Variants in KCNH8 observed in about 807,000 individuals in gnomAD.
KCNH8 encodes potassium voltage-gated channel subfamily H member 8.
In KCNH8, 70 loss-of-function variants were observed where a neutral mutation model predicts 103.6. The observed-to-expected ratio is 0.68, with a 90% confidence interval of 0.56 to 0.82. The LOEUF is 0.82. Among genes scored for constraint, KCNH8 ranks in the 40% least tolerant of loss-of-function variants. The pLI is 0.00. For synonymous variants in KCNH8, 498 were observed against 489.4 expected (o/e 1.02, Z -0.23); for missense variants, 1,217 against 1,329.9 (o/e 0.92, Z 1.32).
chr3:19,166,384 G>C (rs1306865308), intron 1 of KCNH8, among the ~76,000 whole-genome samples: 1 of 152,094 alleles, frequency 6.6e-6, no homozygotes, highest in Admixed American at 6.6e-5. Flanking sequence ...ATTAAAAACT[G>C]CACATGCAAA....
At chr3:19,482,503 T>C (rs2068108634) in intron 11 of KCNH8, among the ~76,000 whole-genome samples, 1 of 152,192 alleles carries the variant, frequency 6.6e-6, no homozygotes, top group Non-Finnish European at 1.5e-5. Flanking sequence ...TGCCAAAGCA[T>C]TTTTGTGAAC....
At chr3:19,515,151 C>T (rs1050541041) in intron 13 of KCNH8, among the ~76,000 whole-genome samples, 171 bp from the exon 14 acceptor site, 1 of 151,386 alleles carries the variant, frequency 6.6e-6, no homozygotes, top group Non-Finnish European at 1.5e-5. Flanking sequence ...TTGCACAAAC[C>T]ACATTTCAAG....
chr3:19,428,874 C>T (rs973859074), intron 7 of KCNH8, among the ~76,000 whole-genome samples: 52 of 152,138 alleles, frequency 3.4e-4, no homozygotes, highest in African/African-American at 1.3e-3. Flanking sequence ...TCTCTCTACT[C>T]ATGTTTCTCT....
intron 5 of KCNH8, among the ~76,000 whole-genome samples, chr3:19,383,902 G>T (rs2066321259): frequency 1.3e-5 from 2 of 151,762 alleles, no homozygotes. Context: ...ATTAAATAAG[G>T]TTTTTTCAGT....
rs118174255 is a variant in KCNH8 at position 19,161,903 on chromosome 3, G to A, written c.76+13108G>A. Among the ~76,000 whole-genome samples, 72 of 152,150 alleles carry A rather than the reference G, an allele frequency of 4.7e-4. 1 individual carries two copies. The highest frequency in any genetic ancestry group is 3.9e-3 in the Admixed American group (59 of 15,278). On this transcript the variant is annotated intron_variant, in intron 1 of 15. Transcript: ENST00000328405. Reference sequence around the variant, plus strand: ...GAATTAGGTACAGTAATTACACTAAGTGATTAGATACATTAAATACAGAAA... The same window carrying A: ...GAATTAGGTACAGTAATTACACTAAATGATTAGATACATTAAATACAGAAA...
intron 1 of KCNH8, among the ~76,000 whole-genome samples, chr3:19,175,749 A>G (rs185122999): frequency 2.0e-5 from 3 of 152,356 alleles, no homozygotes; most frequent in East Asian, 1.9e-4. Context: ...CTAAAATGAA[A>G]ATTGATTTGT....
chr3:19,196,479 G>A (rs1170253827), intron 1 of KCNH8, among the ~76,000 whole-genome samples: 1 of 151,858 alleles, frequency 6.6e-6, no homozygotes, highest in South Asian at 2.1e-4. Flanking sequence ...AAAGATCTTG[G>A]CTTCATTGGA....
chr3:19,417,989 A>T (rs1434250184), intron 7 of KCNH8, among the ~76,000 whole-genome samples: 2 of 152,230 alleles, frequency 1.3e-5, no homozygotes, highest in Non-Finnish European at 2.9e-5. Context: ...GTAAAATAAA[A>T]TGTAAAAAGA....
rs1237136105 is a variant in KCNH8, at chr3:19,503,305, T to G, written c.2041-7058T>G. 2.6e-5 allele frequency among the ~76,000 whole-genome samples: 4 copies of G among 151,822 alleles called. 1 individual carries two copies. Among genetic ancestry groups the G allele is most frequent in the African/African-American group, 7.3e-5 (3 of 41,374 alleles). ...AGGTGCTGGAGAGGATGTGGAGAAATAGGAACACTTTTACACTGTTGGTGG... is the reference window on the plus strand; with the variant it reads ...AGGTGCTGGAGAGGATGTGGAGAAAGAGGAACACTTTTACACTGTTGGTGG... On this transcript the variant is annotated intron_variant, in intron 11 of 15. Coordinates refer to ENST00000328405, the MANE Select transcript of KCNH8 (RefSeq NM_144633.3).
intron 3 of KCNH8, among the ~76,000 whole-genome samples, chr3:19,318,014 T>G (rs1021364282): frequency 1.3e-5 from 2 of 151,986 alleles, no homozygotes; most frequent in Admixed American, 6.6e-5. Context: ...CGTATTCAAA[T>G]AGGAATAGAG....
chr3:19,333,690 T>G (rs762925185), intron 3 of KCNH8, among the ~76,000 whole-genome samples: 37 of 152,176 alleles, frequency 2.4e-4, no homozygotes, highest in Non-Finnish European at 3.7e-4. Flanking sequence ...TGACAATGTA[T>G]TCCAGCCAAC....
At chr3:19,279,056 T>C (rs2064718556) in intron 2 of KCNH8, among the ~76,000 whole-genome samples, 1 of 152,082 alleles carries the variant, frequency 6.6e-6, no homozygotes, top group Non-Finnish European at 1.5e-5. Context: ...GACAGAGAGG[T>C]GCTTTAAAAT....
At chr3:19,320,079 A>G (rs1195382559) in intron 3 of KCNH8, among the ~76,000 whole-genome samples, 5 of 152,064 alleles carry the variant, frequency 3.3e-5, no homozygotes, top group East Asian at 3.9e-4. Flanking sequence ...GGGGTTTTCT[A>G]TGTATACGTT....
At chr3:19,229,814 A>G (rs1272265381) in intron 1 of KCNH8, among the ~76,000 whole-genome samples, 1 of 152,058 alleles carries the variant, frequency 6.6e-6, no homozygotes, top group African/African-American at 2.4e-5. Context: ...GAGCCCTCCA[A>G]ACTGTTCCAA....
intron 3 of KCNH8, among the ~76,000 whole-genome samples, chr3:19,304,472 TAAG>T (rs943068883): frequency 7.2e-5 from 11 of 151,998 alleles, no homozygotes; most frequent in African/African-American, 2.7e-4. Flanking sequence ...TCTAAATAGA[TAAG>T]AATAAATACG....
At chr3:19,506,655 C>G (rs540069140) in intron 11 of KCNH8, among the ~76,000 whole-genome samples, 2 of 152,258 alleles carry the variant, frequency 1.3e-5, no homozygotes, top group Non-Finnish European at 1.5e-5. Flanking sequence ...CTGGAGTGAG[C>G]TCAGGCTTTA....
At chr3:19,185,597 C>G (rs531430379) in intron 1 of KCNH8, among the ~76,000 whole-genome samples, 1 of 151,974 alleles carries the variant, frequency 6.6e-6, no homozygotes, top group Admixed American at 6.5e-5. Context: ...TCATGTGTTT[C>G]ATATCTCTCA....
Position 19,450,848 on chromosome 3 carries a change from A to T in KCNH8, c.1576-307A>T, listed in dbSNP as rs537046715. ...ATAATCACCAGTGGGTCCAAATTCC[A>T]TATCTTCTGTCCTGACTAGGACTCT... On this transcript the variant is annotated intron_variant, in intron 9 of 15. Coordinates refer to ENST00000328405, the MANE Select transcript of KCNH8 (RefSeq NM_144633.3). The T allele has an allele frequency of 9.3e-6, 3 of 322,710 alleles. No homozygotes were observed. The Admixed American group carries it at 1.4e-4, about 15-fold the overall frequency. 20.0% of individuals were successfully genotyped at this position (322,710 alleles called of 1,614,324 possible).
intron 7 of KCNH8, among the ~76,000 whole-genome samples, chr3:19,415,668 G>T (rs927063278): frequency 6.6e-6 from 1 of 151,940 alleles, no homozygotes; most frequent in Non-Finnish European, 1.5e-5. Flanking sequence ...CCAAATGCTC[G>T]TGCATCTGCA....
Sources: allele counts gnomAD v4.1 joint callset (sites outside exome capture counted in the v4.1 genomes callset), GRCh38; gene constraint gnomAD v4.1.1; transcripts MANE v1.5; gene names NCBI Gene and HGNC (gene_info 2026-07-23, HGNC 2026-07-21).